ENPP6: variants seen among roughly 807,000 people sequenced by gnomAD.
The protein encoded by ENPP6 is ectonucleotide pyrophosphatase/phosphodiesterase 6, also known as glycerophosphocholine cholinephosphodiesterase ENPP6.
A neutral mutation model predicts 42.0 loss-of-function variants in ENPP6; 32 were observed. The ratio of observed to expected loss-of-function variants is 0.76; its 90% confidence interval spans 0.58 to 1.02. ENPP6 has a LOEUF of 1.02. ENPP6 is among the 50% of genes least tolerant of loss of function. The probability of loss-of-function intolerance (pLI) is 0.00; values close to 1 mark genes in which losing one functional copy is unlikely to be tolerated. For synonymous variants in ENPP6, 213 were observed against 216.0 expected, an observed-to-expected ratio of 0.99 and a Z score of 0.12; for missense variants, 552 against 566.8, an observed-to-expected ratio of 0.97 and a Z score of 0.27.
intron 2 of ENPP6, among the ~76,000 whole-genome samples, chr4:184,144,053 G>A (rs1736876745): frequency 6.6e-6 from 1 of 152,190 alleles, no homozygotes; most frequent in Non-Finnish European, 1.5e-5. Flanking sequence ...GCAGAGGCTG[G>A]CAGGGCCCCC....
chr4:184,193,188 T>C (rs1732732978), intron 1 of ENPP6, among the ~76,000 whole-genome samples: 1 of 152,204 alleles, frequency 6.6e-6, no homozygotes, highest in Admixed American at 6.5e-5. Flanking sequence ...TGTGCACAAA[T>C]GTTCACAGCA....
chr4:184,112,605 T>G, intron 6 of ENPP6, 67 bp downstream of exon 6: 4 of 1,528,858 alleles, frequency 2.6e-6, no homozygotes, highest in Non-Finnish European at 3.5e-6. Flanking sequence ...TGAGTAACTA[T>G]TATTTAACTT....
At chr4:184,146,450 GA>G (rs1736925135) in intron 2 of ENPP6, among the ~76,000 whole-genome samples, 1 of 150,980 alleles carries the variant, frequency 6.6e-6, no homozygotes, top group Admixed American at 6.6e-5. Flanking sequence ...AAGAAAGAAA[GA>G]AAGAAAGAAA....
At chr4:184,152,927 G>GT (rs35794133) in intron 2 of ENPP6, among the ~76,000 whole-genome samples, 5,062 of 146,510 alleles carry the variant, frequency 0.035, 234 homozygotes, top group South Asian at 0.11. Flanking sequence ...ATGGTACACT[G>GT]TTTTTTTTTT....
intron 1 of ENPP6, among the ~76,000 whole-genome samples, chr4:184,156,087 A>G (rs1407950338): frequency 1.3e-5 from 2 of 152,176 alleles, no homozygotes; most frequent in Admixed American, 6.5e-5. Flanking sequence ...GAGAATTCCT[A>G]TAAGGTGGAG....
intron 1 of ENPP6, among the ~76,000 whole-genome samples, chr4:184,210,070 A>T (rs1256556209): frequency 6.6e-6 from 1 of 151,534 alleles, no homozygotes; most frequent in Non-Finnish European, 1.5e-5. Flanking sequence ...CTGTCCTAAA[A>T]GAGCTCCTGA....
At chr4:184,164,829 C>T (rs1200145898) in intron 1 of ENPP6, among the ~76,000 whole-genome samples, 2 of 152,168 alleles carry the variant, frequency 1.3e-5, no homozygotes, top group Non-Finnish European at 2.9e-5. Context: ...TGCCTGAAGT[C>T]TTACACCACC....
intron 2 of ENPP6, among the ~76,000 whole-genome samples, chr4:184,134,454 T>C (rs978162533): frequency 2.0e-5 from 3 of 152,218 alleles, no homozygotes; most frequent in Non-Finnish European, 2.9e-5. Flanking sequence ...ATTTCTTTTT[T>C]TCTGTTTTGG....
intron 1 of ENPP6, among the ~76,000 whole-genome samples, chr4:184,181,967 A>G (rs1288532854): frequency 6.6e-6 from 1 of 152,214 alleles, no homozygotes; most frequent in African/African-American, 2.4e-5. Context: ...TTTCATGATG[A>G]AAACGTCAAA....
At chr4:184,140,481 T>A (rs1736800770) in intron 2 of ENPP6, among the ~76,000 whole-genome samples, 1 of 149,628 alleles carries the variant, frequency 6.7e-6, no homozygotes, top group Non-Finnish European at 1.5e-5. Flanking sequence ...ACTACCTGAC[T>A]TCAAACTATA....
At chr4:184,120,431 G>A (rs1404589447) in intron 3 of ENPP6, among the ~76,000 whole-genome samples, 3 of 152,174 alleles carry the variant, frequency 2.0e-5, no homozygotes, top group African/African-American at 4.8e-5. Context: ...CGGCAGCCAA[G>A]TTGTTTCCTG....
chr4:184,133,328 G>T (rs1736675034), intron 2 of ENPP6, among the ~76,000 whole-genome samples: 1 of 151,970 alleles, frequency 6.6e-6, no homozygotes, highest in African/African-American at 2.4e-5. Flanking sequence ...AATGCTTTTT[G>T]ATATTAAGTT....
At chr4:184,120,355 C>A (rs1371277821) in intron 3 of ENPP6, among the ~76,000 whole-genome samples, 3 of 152,206 alleles carry the variant, frequency 2.0e-5, no homozygotes, top group Admixed American at 2.0e-4. Context: ...TTAGAGCTGT[C>A]TTCAGTAGCC....
At chr4:184,157,163 A>G (rs1426214393) in intron 1 of ENPP6, among the ~76,000 whole-genome samples, 1 of 152,236 alleles carries the variant, frequency 6.6e-6, no homozygotes, top group East Asian at 1.9e-4. Flanking sequence ...TCTGTTGAGT[A>G]GATCTAGCCA....
chr4:184,182,300 A>T (rs1330164706), intron 1 of ENPP6, among the ~76,000 whole-genome samples: 2 of 152,190 alleles, frequency 1.3e-5, no homozygotes, highest in Non-Finnish European at 2.9e-5. Flanking sequence ...GCAAATCAAA[A>T]CCACAATGAG....
At chr4:184,205,531 T>C (rs1453883654) in intron 1 of ENPP6, among the ~76,000 whole-genome samples, 2 of 152,230 alleles carry the variant, frequency 1.3e-5, no homozygotes, top group African/African-American at 2.4e-5. Context: ...GGGTGACCTA[T>C]AGGGCCAGGT....
chr4:184,123,383 C>T (rs918478613), intron 3 of ENPP6, among the ~76,000 whole-genome samples: 1 of 152,072 alleles, frequency 6.6e-6, no homozygotes, highest in African/African-American at 2.4e-5. Context: ...CTGTCCCCAG[C>T]CTCTTTGCTC....
At chr4:184,154,522 T>A (rs541535415) in intron 1 of ENPP6, among the ~76,000 whole-genome samples, 86 of 152,350 alleles carry the variant, frequency 5.6e-4, no homozygotes, top group Non-Finnish European at 1.1e-3. Context: ...CGAAACATGC[T>A]TCACTGAGCT....
intron 6 of ENPP6, among the ~76,000 whole-genome samples, chr4:184,109,825 A>G (rs1413589209): frequency 6.6e-6 from 1 of 151,426 alleles, no homozygotes; most frequent in Middle Eastern, 3.2e-3. Flanking sequence ...TGATGGTCTC[A>G]CTTCTGATTT....
Sources: allele counts gnomAD v4.1 joint callset (sites outside exome capture counted in the v4.1 genomes callset), GRCh38; gene constraint gnomAD v4.1.1; transcripts MANE v1.5; gene names NCBI Gene and HGNC (gene_info 2026-07-23, HGNC 2026-07-21).